Variants in VCP observed in about 807,000 individuals in gnomAD.
The protein encoded by VCP is valosin containing protein.
A neutral mutation model predicts 85.7 loss-of-function variants in VCP; 6 were observed. The ratio of observed to expected loss-of-function variants is 0.07; its 90% CI spans 0.04 to 0.14. The LOEUF (loss-of-function observed/expected upper bound fraction) is 0.14. Ranked by LOEUF, VCP falls within the 10% of genes least tolerant of loss-of-function variation. VCP has a pLI of 1.00. For missense variants in VCP, 353 were observed against 1,043.4 expected, an observed-to-expected ratio of 0.34 and a Z score of 9.12; for synonymous variants, 384 against 367.1, an observed-to-expected ratio of 1.05 and a Z score of -0.53.
In VCP at chr9:35,061,562, T is replaced by C. The variant is rs376952639; in HGVS notation, c.1194+15A>G. On this transcript the variant is annotated intron_variant, in intron 10 of 16. Coordinates refer to ENST00000358901, the MANE Select transcript of VCP (RefSeq NM_007126.5). ...AGACACTGTAACGCCTGGTCAGCCATCATCATCACTTCACCTGTTCCAGGT... is the reference window on the plus strand; with the variant it reads ...AGACACTGTAACGCCTGGTCAGCCACCATCATCACTTCACCTGTTCCAGGT... 1 of 1,610,830 alleles carries C rather than the reference T, an allele frequency of 6.2e-7. No homozygotes were observed. The highest frequency in any genetic ancestry group is 1.3e-5 in the African/African-American group (1 of 74,846).
At chr9:35,060,617 G>A in intron 12 of VCP, 92 bp from the exon 13 acceptor site, 3 of 1,510,860 alleles carry the variant, frequency 2.0e-6, no homozygotes, top group Non-Finnish European at 1.8e-6. Flanking sequence ...ATTTCATGGT[G>A]TACCCAATGG....
At chr9:35,066,418 G>C (rs1400885280) in intron 4 of VCP, among the ~76,000 whole-genome samples, 1 of 151,450 alleles carries the variant, frequency 6.6e-6, no homozygotes, top group Non-Finnish European at 1.5e-5. Context: ...CCCACGATGG[G>C]GTTTCGCCAT....
chr9:35,069,848 A>G (rs1828905611), intron 1 of VCP, among the ~76,000 whole-genome samples: 1 of 152,246 alleles, frequency 6.6e-6, no homozygotes, highest in Non-Finnish European at 1.5e-5. Flanking sequence ...GAAGCAAAGA[A>G]AATAAATTTT....
At chr9:35,065,722 A>T (rs1828815550) in intron 4 of VCP, among the ~76,000 whole-genome samples, 1 of 152,146 alleles carries the variant, frequency 6.6e-6, no homozygotes, top group Admixed American at 6.6e-5. Context: ...GCCAAAATGG[A>T]CCACTTTCTC....
chr9:35,065,442 T>A, intron 4 of VCP, 61 bp from the exon 5 acceptor site: 1 of 1,610,354 alleles, frequency 6.2e-7, no homozygotes, highest in Non-Finnish European at 8.5e-7. Context: ...AAGTGAGAAC[T>A]CATCAGACCC....
chr9:35,066,966 G>T, intron 3 of VCP, 149 bp from the exon 4 acceptor site: 3 of 1,295,740 alleles, frequency 2.3e-6, no homozygotes, highest in Non-Finnish European at 3.3e-6. Flanking sequence ...GAACAGGGTG[G>T]AAGTGAGGGC....
At position 35,071,396 on chromosome 9, in the gene VCP, G is replaced by A. The variant is rs143957772; in HGVS notation, c.17+941C>T. Among the ~76,000 whole-genome samples the A allele has an allele frequency of 1.9e-3, 280 of 148,840 alleles. 1 individual carries two copies. Among genetic ancestry groups the A allele is most frequent in the African/African-American group, 6.2e-3 (249 of 40,056 alleles). ...TTTTATCTAACGCTTTCCTAAGGATGGAGGTGGGGTCAGAAAGCCCCAGAG... is the reference window on the plus strand; with the variant it reads ...TTTTATCTAACGCTTTCCTAAGGATAGAGGTGGGGTCAGAAAGCCCCAGAG... On this transcript the variant is annotated intron_variant, in intron 1 of 16. Coordinates refer to ENST00000358901, the MANE Select transcript of VCP (RefSeq NM_007126.5).
chr9:35,072,293 CGGT>C lies in VCP; in HGVS notation c.17+41_17+43del. ...CGGGCCTACCCTGCGCGGCTGGTCC[CGGT>C]GCGCGCCGCCGCAGCAAGCGAACGG... On this transcript the variant is annotated intron_variant, in intron 1 of 16. Transcript: ENST00000358901. The C allele has an allele frequency of 2.0e-6, 3 of 1,483,198 alleles. No homozygotes were observed. In the African/African-American group the frequency reaches 4.4e-5, roughly 22 times the overall value. The allele number at this position is 1,483,198 out of a possible 1,614,324, so 91.9% of individuals were successfully genotyped here.
Position 35,059,780 on chromosome 9 carries a change from C to T in VCP, c.1717G>A (p.Val573Met). 6.2e-7 allele frequency: 1 copy of T among 1,614,064 alleles called. No homozygotes were observed. The highest frequency in any genetic ancestry group is 8.5e-7 in the Non-Finnish European group (1 of 1,180,010). ...GAATCCAGCTCATCAAAGAATAGCACACAGGGGGCAGCTTGGCGGGCCTGT... is the reference window on the plus strand; with the variant it reads ...GAATCCAGCTCATCAAAGAATAGCATACAGGGGGCAGCTTGGCGGGCCTGT... Reference protein sequence around the residue: ...FDKARQAAPCVLFFDELDSIA... With the variant: ...FDKARQAAPCMLFFDELDSIA... Residue 573 changes from valine to methionine, a missense_variant, in exon 14 of 17, where the codon GTG becomes ATG. By Grantham distance (21) the Val-to-Met change is conservative (BLOSUM62 1). Around this residue, in one of 8 missense-constraint regions of VCP, gnomAD observed 30 missense variants for 192.3 expected, o/e 0.16. Transcript: ENST00000358901. The surrounding 1 kb of genome is among the most constrained non-coding windows in gnomAD (Gnocchi z 4.9).
chr9:35,066,947 G>A, intron 3 of VCP, 130 bp from the exon 4 acceptor site: 1 of 1,446,968 alleles, frequency 6.9e-7, no homozygotes, highest in Non-Finnish European at 9.6e-7. Context: ...TAGGCGAAGA[G>A]AGGAAGGAGA....
chr9:35,061,696 G>GTACACAA lies in VCP; in HGVS notation c.1082-8_1082-7insTTGTGTA, dbSNP rs2131031967. 3.1e-6 allele frequency: 5 copies of GTACACAA among 1,589,810 alleles called. No homozygotes were observed. The Admixed American group carries it at 5.0e-5, about 16-fold the overall frequency. On this transcript the variant is annotated splice_polypyrimidine_tract_variant and splice_region_variant and intron_variant, in intron 9 of 16. Coordinates refer to ENST00000358901, the MANE Select transcript of VCP (RefSeq NM_007126.5). ...ACCTCCCTGTCAAAGCGACCTGTGG[G>GTACACAA]ACAGTACACAAACATAAACAGGGCT...
rs767355870 is a variant in VCP at position 35,066,631 on chromosome 9, A to AT, written c.445+43dup. The AT allele has an allele frequency of 3.7e-6, 6 of 1,609,914 alleles. No homozygotes were observed. In the South Asian group the frequency reaches 6.6e-5, roughly 18 times the overall value. On this transcript the variant is annotated intron_variant, in intron 4 of 16. Coordinates refer to ENST00000358901, the MANE Select transcript of VCP (RefSeq NM_007126.5). ...ATGAGATAAAGATGTTCCAAGGTTT[A>AT]TTCCCTACAGTCAATAATCCTTAAG...
intron 7 of VCP, among the ~76,000 whole-genome samples, chr9:35,062,767 A>G (rs1828751196): frequency 6.6e-6 from 1 of 152,114 alleles, no homozygotes; most frequent in South Asian, 2.1e-4. Context: ...TCTGTCCACA[A>G]TCTTTCTCAA....
intron 15 of VCP, chr9:35,057,771 G>T: frequency 3.5e-6 from 2 of 577,470 alleles, no homozygotes; most frequent in Non-Finnish European, 6.2e-6. Flanking sequence ...AAGGAGGGGA[G>T]ATGTTGACTG....
Position 35,062,965 on chromosome 9 carries a change from C to G in VCP, c.811+13G>C, listed in dbSNP as rs16932174. On this transcript the variant is annotated intron_variant, in intron 7 of 16. Coordinates refer to ENST00000358901, the MANE Select transcript of VCP (RefSeq NM_007126.5). ...TGGGTCTAGCTAGACATAAGATGAA[C>G]CAAATATCTCACCATTGATCAAGAA... is the stretch of plus-strand genomic sequence containing the variant. 126 of 1,613,542 alleles carry G rather than the reference C, an allele frequency of 7.8e-5. 1 individual carries two copies. Among genetic ancestry groups the G allele is most frequent in the Admixed American group, 4.8e-4 (29 of 59,964 alleles).
Position 35,063,099 on chromosome 9 carries a change from T to G in VCP, c.709-19A>C. On this transcript the variant is annotated intron_variant, in intron 6 of 16. Coordinates refer to ENST00000358901, the MANE Select transcript of VCP (RefSeq NM_007126.5). Reference sequence around the variant, plus strand: ...TAGGAGGCTGTGGACCAATGCAGAGTGTGATTAGGTTCCCACCTTCTCCCA... The same window carrying G: ...TAGGAGGCTGTGGACCAATGCAGAGGGTGATTAGGTTCCCACCTTCTCCCA... The G allele has an allele frequency of 1.2e-6, 2 of 1,612,488 alleles. No individual in the cohort carries two copies. The highest frequency in any genetic ancestry group is 2.2e-5 in the East Asian group (1 of 44,820).
rs577805218 is a variant in VCP at position 35,059,073 on chromosome 9, T to G, written c.2151A>C (p.Pro717=). 6.2e-7 allele frequency: 1 copy of G among 1,613,968 alleles called. No homozygotes were observed. The highest frequency in any genetic ancestry group is 1.1e-5 in the South Asian group (1 of 91,078). Residue 717 remains proline (P), a synonymous_variant, in exon 15 of 17, where the codon CCA becomes CCC. Transcript: ENST00000358901. The surrounding 1 kb of genome is among the most constrained non-coding windows in gnomAD (Gnocchi z 4.9). ...IRRERERQTN[P]SAMEVEEDDP... Reference sequence around the variant, plus strand: ...AAGGATGCAGACTCACCATGGCTGATGGGTTTGTCTGCCTCTCTCGTTCTC... The same window carrying G: ...AAGGATGCAGACTCACCATGGCTGAGGGGTTTGTCTGCCTCTCTCGTTCTC...
intron 15 of VCP, 69 bp from the exon 16 acceptor site, chr9:35,057,599 ATTACTGCAG>A: frequency 5.0e-6 from 8 of 1,589,786 alleles, no homozygotes; most frequent in Non-Finnish European, 6.8e-6. Flanking sequence ...CAGGCCTCCC[ATTACTGCAG>A]TTTATTGGTC....
chr9:35,072,051 TA>T, intron 1 of VCP: 4 of 1,252,662 alleles, frequency 3.2e-6, no homozygotes, highest in Admixed American at 4.6e-5. Flanking sequence ...ACGTCCGTTC[TA>T]AGGGAGCCAA....
Sources: gnomAD v4.1 joint callset for allele counts (sites outside exome capture counted in the v4.1 genomes callset) on GRCh38, gnomAD v4.1.1 for gene constraint, gnomAD v4.1.1 regional missense constraint, Gnocchi (gnomAD v3.1) non-coding constraint, MANE v1.5 for transcripts, NCBI Gene and HGNC (gene_info 2026-07-23, HGNC 2026-07-21) for gene names.